Variants in SPAG16 observed in about 807,000 individuals in gnomAD.
The protein encoded by SPAG16 is sperm-associated antigen 16 protein.
SPAG16 carries 86 observed loss-of-function variants against 80.4 expected under a neutral mutation model. The observed-to-expected ratio is 1.07, with a 90% CI of 0.90 to 1.28. SPAG16 has a LOEUF of 1.28. Ranked by LOEUF, SPAG16 falls within the 50% of genes most tolerant of loss-of-function variation. SPAG16 has a pLI of 0.00. For synonymous variants in SPAG16, 294 were observed against 265.9 expected, an observed-to-expected ratio of 1.11 and a Z score of -1.03; for missense variants, 870 against 765.3, an observed-to-expected ratio of 1.14 and a Z score of -1.61.
intron 10 of SPAG16, among the ~76,000 whole-genome samples, chr2:213,631,747 T>G (rs753731931): frequency 6.6e-6 from 1 of 152,222 alleles, no homozygotes; most frequent in African/African-American, 2.4e-5. Context: ...GACTTTCTTT[T>G]CCCCAGGGTA....
At chr2:214,234,242 T>C (rs2125809700) in intron 15 of SPAG16, among the ~76,000 whole-genome samples, 2 of 152,264 alleles carry the variant, frequency 1.3e-5, no homozygotes, top group South Asian at 4.1e-4. Context: ...GGCTGCATAG[T>C]ATTCCATGGT....
At chr2:213,687,020 T>C in intron 10 of SPAG16, among the ~76,000 whole-genome samples, 1 of 152,086 alleles carries the variant, frequency 6.6e-6, no homozygotes, top group East Asian at 1.9e-4. Flanking sequence ...TTTGTTTCCT[T>C]TGTTCTTTGT....
intron 15 of SPAG16, among the ~76,000 whole-genome samples, chr2:214,382,245 G>T (rs1364228661): frequency 6.6e-6 from 1 of 152,196 alleles, no homozygotes; most frequent in African/African-American, 2.4e-5. Flanking sequence ...CCTGCTTCAT[G>T]TTTGACTAAG....
At chr2:214,368,492 CT>C (rs1174397062) in intron 15 of SPAG16, among the ~76,000 whole-genome samples, 4 of 151,950 alleles carry the variant, frequency 2.6e-5, no homozygotes, top group Admixed American at 1.3e-4. Flanking sequence ...TATTTTTGTT[CT>C]ATTTCATCCT....
At chr2:214,302,027 G>A (rs1694588130) in intron 15 of SPAG16, among the ~76,000 whole-genome samples, 1 of 151,786 alleles carries the variant, frequency 6.6e-6, no homozygotes, top group Non-Finnish European at 1.5e-5. Flanking sequence ...CAATTTTGTT[G>A]TTTGTTTGCC....
intron 13 of SPAG16, among the ~76,000 whole-genome samples, chr2:214,028,954 A>G (rs2048273511): frequency 6.6e-6 from 1 of 151,986 alleles, no homozygotes; most frequent in Admixed American, 6.6e-5. Flanking sequence ...TTTTTTAAAG[A>G]CTAAAGTCTC....
chr2:214,087,988 A>G (rs1340264226), intron 13 of SPAG16, among the ~76,000 whole-genome samples: 1 of 152,150 alleles, frequency 6.6e-6, no homozygotes, highest in Admixed American at 6.6e-5. Flanking sequence ...CATTTACTTT[A>G]AAAGACCTGA....
chr2:214,273,284 A>G (rs1162449916), intron 15 of SPAG16, among the ~76,000 whole-genome samples: 1 of 152,000 alleles, frequency 6.6e-6, no homozygotes, highest in South Asian at 2.1e-4. Flanking sequence ...TGTGCAGAAG[A>G]TCTTAGTTTA....
At chr2:213,325,784 T>C (rs1470552472) in intron 5 of SPAG16, among the ~76,000 whole-genome samples, 1 of 151,990 alleles carries the variant, frequency 6.6e-6, no homozygotes, top group African/African-American at 2.4e-5. Context: ...GCCCTTCATA[T>C]TGAATTATCT....
At chr2:213,739,743 A>G (rs1200157434) in intron 10 of SPAG16, among the ~76,000 whole-genome samples, 1 of 152,154 alleles carries the variant, frequency 6.6e-6, no homozygotes, top group Non-Finnish European at 1.5e-5. Context: ...CTGGGACCAC[A>G]GGCATGGGCC....
In SPAG16 at chr2:213,673,790, T is replaced by C. The variant is rs1344723805; in HGVS notation, c.1070+183700T>C. On this transcript the variant is annotated intron_variant, in intron 10 of 15. Transcript: ENST00000331683. ...TAAATTAATATTATAATAAAACAAATGTATTACAAACAACAAAAAAAAATA... is the reference window on the plus strand; with the variant it reads ...TAAATTAATATTATAATAAAACAAACGTATTACAAACAACAAAAAAAAATA... Among the ~76,000 whole-genome samples, 4 of 152,050 alleles carry C rather than the reference T, an allele frequency of 2.6e-5. No individual in the cohort carries two copies. The East Asian group carries it at 7.7e-4, about 29-fold the overall frequency.
intron 12 of SPAG16, among the ~76,000 whole-genome samples, chr2:213,983,728 C>T (rs2045877504): frequency 6.6e-6 from 1 of 151,946 alleles, no homozygotes; most frequent in Non-Finnish European, 1.5e-5. Context: ...ATTTAGCTTG[C>T]TTGTCATTTC....
chr2:214,126,213 T>C (rs147705987), intron 14 of SPAG16, among the ~76,000 whole-genome samples: 5 of 151,252 alleles, frequency 3.3e-5, no homozygotes, highest in Admixed American at 6.8e-5. Context: ...AAGGGATGGA[T>C]TGAGCTTCCT....
intron 13 of SPAG16, among the ~76,000 whole-genome samples, chr2:214,028,485 G>T (rs2048247987): frequency 6.6e-6 from 1 of 151,920 alleles, no homozygotes; most frequent in African/African-American, 2.4e-5. Context: ...TTGTCTGTTG[G>T]TATTTTTTAA....
At chr2:213,289,728 C>T (rs996481610) in intron 1 of SPAG16, among the ~76,000 whole-genome samples, 16 of 152,288 alleles carry the variant, frequency 1.1e-4, no homozygotes, top group Non-Finnish European at 2.2e-4. Context: ...AGTCTGTGTA[C>T]GTTGGCTCTG....
chr2:213,849,193 T>C (rs2074779329), intron 10 of SPAG16, among the ~76,000 whole-genome samples: 1 of 152,010 alleles, frequency 6.6e-6, no homozygotes, highest in Non-Finnish European at 1.5e-5. Flanking sequence ...CGGCAGGAGA[T>C]GAAACGAGAA....
chr2:214,115,457 C>T (rs1019614645), intron 14 of SPAG16, among the ~76,000 whole-genome samples: 1 of 152,180 alleles, frequency 6.6e-6, no homozygotes, highest in East Asian at 1.9e-4. Flanking sequence ...TTTACATAAA[C>T]ATAGTTTGGG....
chr2:213,400,526 C>T (rs1297520247), intron 9 of SPAG16, among the ~76,000 whole-genome samples: 1 of 152,058 alleles, frequency 6.6e-6, no homozygotes, highest in Non-Finnish European at 1.5e-5. Flanking sequence ...TTGTATGAAA[C>T]CAATTCTTGA....
rs974055963 is a variant in SPAG16 at position 213,350,538 on chromosome 2, C to T, written c.655C>T (p.His219Tyr). The T allele has an allele frequency of 2.6e-6, 4 of 1,559,302 alleles. No homozygotes were observed. In the African/African-American group the frequency reaches 5.5e-5, roughly 22 times the overall value. The change falls in exon 7 of 16, where the codon CAT (histidine) becomes TAT (tyrosine). Residue 219 changes from histidine to tyrosine, a missense_variant. Transcript: ENST00000331683. Reference sequence around the variant, plus strand: ...CTTTATTTTTTATAGGTTGAAGTTACATTATGCATCTTATGAACCGACTAT... The same window carrying T: ...CTTTATTTTTTATAGGTTGAAGTTATATTATGCATCTTATGAACCGACTAT... Reference protein sequence around the residue: ...LINDLKGLKLHYASYEPTIRV... With the variant: ...LINDLKGLKLYYASYEPTIRV...
Sources: allele counts gnomAD v4.1 joint callset (sites outside exome capture counted in the v4.1 genomes callset), GRCh38; gene constraint gnomAD v4.1.1; transcripts MANE v1.5; gene names NCBI Gene and HGNC (gene_info 2026-07-23, HGNC 2026-07-21).